Variants in CTPS2 observed in about 807,000 individuals in gnomAD.
The protein encoded by CTPS2 is CTP synthase 2.
In CTPS2, 19 loss-of-function variants were observed where a neutral mutation model predicts 46.8. The observed-to-expected ratio is 0.41, with a 90% CI of 0.28 to 0.60. The LOEUF (loss-of-function observed/expected upper bound fraction) is 0.60, where lower values mean the gene tolerates loss of function less well. Ranked by LOEUF, CTPS2 falls within the 20% of genes least tolerant of loss-of-function variation. CTPS2 has a pLI of 0.35. For missense variants in CTPS2, 286 were observed against 447.6 expected (o/e 0.64, Z 3.26); for synonymous variants, 151 against 165.2 (o/e 0.91, Z 0.66).
In CTPS2 at chrX:16,683,252, T is replaced by C. The variant is rs1249108305; in HGVS notation, c.873-26A>G. On this transcript the variant is annotated intron_variant, in intron 8 of 18. Coordinates refer to ENST00000359276, the MANE Select transcript of CTPS2 (RefSeq NM_175859.3). ...CTGGGAAAGAAAACAAACTCAAAGG[T>C]TATATGCACATAACAGAACATCACA... The C allele has an allele frequency of 7.5e-6, 9 of 1,198,204 alleles. No homozygotes were observed. In the East Asian group the frequency reaches 1.5e-4, roughly 20 times the overall value.
chrX:16,679,393 G>T (rs960104260), intron 9 of CTPS2, among the ~76,000 whole-genome samples: 2 of 109,941 alleles, frequency 1.8e-5, no homozygotes, highest in African/African-American at 6.6e-5. Context: ...AAAAAAAAAA[G>T]AAATCTCCAG....
intron 16 of CTPS2, among the ~76,000 whole-genome samples, chrX:16,616,786 C>T (rs1930550432): frequency 8.9e-6 from 1 of 111,760 alleles, no homozygotes; most frequent in African/African-American, 3.3e-5. Context: ...CCTCCACATC[C>T]TGGGTTCAAG....
At chrX:16,706,259 A>T (rs954341670) in intron 1 of CTPS2, among the ~76,000 whole-genome samples, 5 of 110,009 alleles carry the variant, frequency 4.5e-5, no homozygotes, top group Admixed American at 9.8e-5. Context: ...CCCTGTCTCT[A>T]CTAAAAATAA....
At chrX:16,702,312 C>G (rs1330288934) in intron 2 of CTPS2, among the ~76,000 whole-genome samples, 2 of 112,004 alleles carry the variant, frequency 1.8e-5, no homozygotes, top group African/African-American at 6.5e-5. Context: ...CCTCGGCCTC[C>G]CAAAGTGCTG....
chrX:16,632,821 A>T (rs1169525926), intron 14 of CTPS2, among the ~76,000 whole-genome samples: 2 of 111,257 alleles, frequency 1.8e-5, no homozygotes, highest in Non-Finnish European at 1.9e-5. Context: ...AAGAGTGTCC[A>T]AGCCCTGGTT....
intron 13 of CTPS2, among the ~76,000 whole-genome samples, chrX:16,666,744 T>G (rs1360468970): frequency 9.0e-6 from 1 of 111,418 alleles, no homozygotes; most frequent in African/African-American, 3.3e-5. Context: ...GCACAGTGGC[T>G]TTGGGACCCA....
At chrX:16,647,564 G>A (rs58850119) in intron 13 of CTPS2, among the ~76,000 whole-genome samples, 2,295 of 109,606 alleles carry the variant, frequency 0.021, 70 homozygotes, top group African/African-American at 0.073. Context: ...CACCGTGCCC[G>A]GCCGCATTGG....
intron 10 of CTPS2, among the ~76,000 whole-genome samples, chrX:16,671,505 C>CTTTT (rs11323776): frequency 2.1e-5 from 1 of 48,062 alleles, no homozygotes; most frequent in Non-Finnish European, 3.6e-5. Context: ...TAACATTTTT[C>CTTTT]TTTTTTTTTT....
chrX:16,601,757 A>G (rs112432706), intron 17 of CTPS2, among the ~76,000 whole-genome samples: 1,430 of 111,839 alleles, frequency 0.013, 19 homozygotes, highest in African/African-American at 0.044. Flanking sequence ...TTCCCATTTA[A>G]GTTCCTACCA....
chrX:16,639,618 C>T (rs1033936335), intron 13 of CTPS2, among the ~76,000 whole-genome samples: 3 of 109,605 alleles, frequency 2.7e-5, no homozygotes, highest in African/African-American at 1.0e-4. Flanking sequence ...TCCCCCACTG[C>T]CCAGTGCATT....
intron 6 of CTPS2, among the ~76,000 whole-genome samples, chrX:16,691,963 C>T (rs6527707): frequency 0.55 from 60,159 of 110,198 alleles, 13,206 homozygotes; most frequent in African/African-American, 0.83. Flanking sequence ...AGTCACTGTC[C>T]TGATCCTCAA....
chrX:16,616,051 T>A (rs2050579998), intron 16 of CTPS2, among the ~76,000 whole-genome samples: 1 of 112,204 alleles, frequency 8.9e-6, no homozygotes, highest in Non-Finnish European at 1.9e-5. Context: ...TCTCAGCTCA[T>A]AAGCTGGCTG....
At chrX:16,677,948 C>G (rs1478784316) in intron 10 of CTPS2, among the ~76,000 whole-genome samples, 1 of 111,909 alleles carries the variant, frequency 8.9e-6, no homozygotes, top group Non-Finnish European at 1.9e-5. Flanking sequence ...TGTGGAGTAG[C>G]CATTCTTTAA....
chrX:16,650,833 T>C (rs769960790), intron 13 of CTPS2, among the ~76,000 whole-genome samples: 7 of 110,655 alleles, frequency 6.3e-5, no homozygotes, highest in South Asian at 3.9e-4. Flanking sequence ...TTTTTAAACA[T>C]GTTAGTAGTT....
chrX:16,683,151 A>C lies in CTPS2; in HGVS notation c.948T>G (p.Ser316=), dbSNP rs1247977921. The C allele has an allele frequency of 1.7e-6, 2 of 1,209,065 alleles. No individual in the cohort carries two copies. The highest frequency in any genetic ancestry group is 3.5e-5 in the African/African-American group (2 of 57,198). ...KYTKLRDCYA[S]VFKALEHSAL... is the part of the protein sequence containing the mutation. ...CTGAGTGTTCCAGGGCTTTGAACAC[A>C]GAGGCGTAGCAGTCTCTGAGCTTGG... Residue 316 remains serine (S), a synonymous_variant, in exon 9 of 19, where the codon TCT becomes TCG. Coordinates refer to ENST00000359276, the MANE Select transcript of CTPS2 (RefSeq NM_175859.3).
chrX:16,712,286 C>G (rs927777921), intron 1 of CTPS2, 49 bp downstream of exon 1: 1 of 112,161 alleles, frequency 8.9e-6, no homozygotes, highest in Non-Finnish European at 1.9e-5. Flanking sequence ...AGGGATGGCC[C>G]GGGCGCCGAG....
rs770499371 is a variant in CTPS2 at position 16,628,156 on chromosome X, C to T, written c.1394-7824G>A. ...TTTCTCCTATATTTCTCCTTTATTTCTTACTTTTGAATTTTAGAATGTCAT... is the reference window on the plus strand; with the variant it reads ...TTTCTCCTATATTTCTCCTTTATTTTTTACTTTTGAATTTTAGAATGTCAT... On this transcript the variant is annotated intron_variant, in intron 14 of 18. Coordinates refer to ENST00000359276, the MANE Select transcript of CTPS2 (RefSeq NM_175859.3). 1.2e-4 allele frequency among the ~76,000 whole-genome samples: 13 copies of T among 111,045 alleles called. No individual in the cohort carries two copies. The South Asian group carries it at 5.0e-3, about 43-fold the overall frequency.
intron 1 of CTPS2, among the ~76,000 whole-genome samples, chrX:16,704,830 T>G (rs1370184163): frequency 9.1e-6 from 1 of 110,471 alleles, no homozygotes. Context: ...GCCTGTAATC[T>G]CAGCTACTCC....
chrX:16,600,023 C>A (rs1929564773), intron 17 of CTPS2, among the ~76,000 whole-genome samples: 1 of 112,255 alleles, frequency 8.9e-6, no homozygotes, highest in Non-Finnish European at 1.9e-5. Context: ...AAGTGATCCG[C>A]CCGCCTCGGC....
Sources: gnomAD v4.1 joint callset for allele counts (sites outside exome capture counted in the v4.1 genomes callset) on GRCh38, gnomAD v4.1.1 for gene constraint, MANE v1.5 for transcripts, NCBI Gene and HGNC (gene_info 2026-07-23, HGNC 2026-07-21) for gene names.